Variants in SGIP1 observed in about 807,000 individuals in gnomAD.
SGIP1 encodes the protein SH3GL interacting endocytic adaptor 1.
A neutral mutation model predicts 107.5 loss-of-function variants in SGIP1; 38 were observed. The ratio of observed to expected loss-of-function variants is 0.35; its 90% CI spans 0.27 to 0.46. The LOEUF is 0.46. Among genes scored for constraint, SGIP1 ranks in the 20% least tolerant of loss-of-function variants. The pLI is 1.00. For missense variants in SGIP1, 929 were observed against 1,019.5 expected (o/e 0.91, Z 1.21); for synonymous variants, 365 against 366.1 (o/e 1.00, Z 0.03).
intron 1 of SGIP1, among the ~76,000 whole-genome samples, chr1:66,604,267 G>A (rs755579512): frequency 7.2e-5 from 11 of 151,972 alleles, no homozygotes; most frequent in Admixed American, 4.6e-4. Flanking sequence ...TCTGAGTTTC[G>A]TCTCATAATG....
rs902234030 is a variant in SGIP1, at chr1:66,610,478, G to A, written c.11-15369G>A. 2.6e-5 allele frequency among the ~76,000 whole-genome samples: 4 copies of A among 152,124 alleles called. No homozygotes were observed. In the South Asian group the frequency reaches 6.2e-4, roughly 24 times the overall value. ...GGAGTTCAGTTTTGCTCATCTTACC[G>A]AACCAGACATTGATCTCTTACCTGA... On this transcript the variant is annotated intron_variant, in intron 1 of 24. Coordinates refer to ENST00000371037, the MANE Select transcript of SGIP1 (RefSeq NM_032291.4).
In SGIP1 at chr1:66,577,756, C is replaced by CTGTGTGTGTG. The variant is rs6143251; in HGVS notation, c.10+43424_10+43433dup. Reference sequence around the variant, plus strand: ...TTAGAAGAGTGATACTAATGCAGTCCTGTGTGTGTGTGTGTGTGTGTGTGT... The same window carrying CTGTGTGTGTG: ...TTAGAAGAGTGATACTAATGCAGTCCTGTGTGTGTGTGTGTGTGTGTGTGTGTGTGTGTGT... On this transcript the variant is annotated intron_variant, in intron 1 of 24. Coordinates refer to ENST00000371037, the MANE Select transcript of SGIP1 (RefSeq NM_032291.4). Among the ~76,000 whole-genome samples the CTGTGTGTGTG allele has an allele frequency of 4.3e-3, 624 of 145,058 alleles. 1 individual carries two copies. Among genetic ancestry groups the CTGTGTGTGTG allele is most frequent in the Non-Finnish European group, 5.6e-3 (370 of 65,622 alleles).
At chr1:66,728,985 G>GA (rs536974574) in intron 19 of SGIP1, among the ~76,000 whole-genome samples, 55 of 146,668 alleles carry the variant, frequency 3.7e-4, no homozygotes, top group Middle Eastern at 3.4e-3. Context: ...GAAAAGTTCA[G>GA]AAAAAAAAAA....
chr1:66,600,795 G>A (rs950775452), intron 1 of SGIP1, among the ~76,000 whole-genome samples: 6 of 152,148 alleles, frequency 3.9e-5, no homozygotes, highest in African/African-American at 1.4e-4. Context: ...TTAGGCAGGG[G>A]CATGACATGA....
rs1419139549 is a variant in SGIP1, at chr1:66,536,762, G to C, written c.10+2394G>C. ...TTAAAATCATATTTCTTCTGAACTA[G>C]TGTGTCTCACACACACACAGAGTCA... On this transcript the variant is annotated intron_variant, in intron 1 of 24. Coordinates refer to ENST00000371037, the MANE Select transcript of SGIP1 (RefSeq NM_032291.4). Among the ~76,000 whole-genome samples, 5 of 147,700 alleles carry C rather than the reference G, an allele frequency of 3.4e-5. No homozygotes were observed. The Admixed American group carries it at 3.4e-4, about 10-fold the overall frequency.
intron 1 of SGIP1, among the ~76,000 whole-genome samples, chr1:66,581,358 C>T (rs78485205): frequency 0.012 from 1,864 of 151,926 alleles, 44 homozygotes; most frequent in African/African-American, 0.043. Flanking sequence ...TAATAATATC[C>T]CTAGCTCATG....
chr1:66,603,771 T>C (rs2066307757), intron 1 of SGIP1, among the ~76,000 whole-genome samples: 1 of 152,350 alleles, frequency 6.6e-6, no homozygotes, highest in South Asian at 2.1e-4. Flanking sequence ...TTGATAGATC[T>C]ATGTCTAAAC....
intron 18 of SGIP1, among the ~76,000 whole-genome samples, chr1:66,695,747 A>G (rs2090780258): frequency 6.6e-6 from 1 of 152,236 alleles, no homozygotes; most frequent in African/African-American, 2.4e-5. Context: ...TTAATTAACT[A>G]TGGTCAATTG....
At chr1:66,608,474 A>G (rs2067282670) in intron 1 of SGIP1, among the ~76,000 whole-genome samples, 1 of 152,212 alleles carries the variant, frequency 6.6e-6, no homozygotes, top group Admixed American at 6.5e-5. Context: ...TTTTGTAACT[A>G]TTTTAAACCA....
chr1:66,601,706 G>A (rs527311585), intron 1 of SGIP1, among the ~76,000 whole-genome samples: 1 of 152,158 alleles, frequency 6.6e-6, no homozygotes, highest in African/African-American at 2.4e-5. Flanking sequence ...AATCAAAAGT[G>A]AAGTATTTTA....
chr1:66,677,230 A>G, intron 13 of SGIP1, 134 bp downstream of exon 13: 2 of 669,588 alleles, frequency 3.0e-6, no homozygotes, highest in Non-Finnish European at 5.0e-6. Flanking sequence ...AAGAGATGTT[A>G]TTCTAACAGG....
chr1:66,690,434 A>G, intron 17 of SGIP1, 118 bp downstream of exon 17: 2 of 1,401,746 alleles, frequency 1.4e-6, no homozygotes, highest in Non-Finnish European at 1.9e-6. Flanking sequence ...GTGTTTTGCT[A>G]CTATTACCTG....
At chr1:66,731,259 C>A (rs939350656) in intron 20 of SGIP1, among the ~76,000 whole-genome samples, 1 of 152,068 alleles carries the variant, frequency 6.6e-6, no homozygotes, top group Admixed American at 6.6e-5. Flanking sequence ...TGGTTGTGCA[C>A]GTTGAGCCAG....
chr1:66,741,335 T>C lies in SGIP1; in HGVS notation c.2363T>C (p.Val788Ala), dbSNP rs931632362. 3 of 1,610,402 alleles carry C rather than the reference T, an allele frequency of 1.9e-6. No individual in the cohort carries two copies. In the African/African-American group the frequency reaches 4.0e-5, roughly 22 times the overall value. The stretch of plus-strand genomic sequence containing the variant: ...GGCCCAAGCAAACCTTCTCCATTGG[T>C]TGTGCAGTTCACAAGTGAAGGAAGC... ...SEGPSKPSPL[V>A]VQFTSEGSTL... Residue 788 changes from valine (V) to alanine (A), a missense_variant, in exon 24 of 25, where the codon GTT (valine) becomes GCT (alanine). By Grantham distance (64) the Val-to-Ala change is moderately conservative (BLOSUM62 0). Transcript: ENST00000371037.
At chr1:66,650,615 C>A (rs1183488418) in intron 7 of SGIP1, among the ~76,000 whole-genome samples, 6 of 152,140 alleles carry the variant, frequency 3.9e-5, no homozygotes, top group African/African-American at 1.4e-4. Flanking sequence ...GTCTCAGATA[C>A]GGACATCTCC....
At chr1:66,725,560 A>G (rs1474095458) in intron 19 of SGIP1, among the ~76,000 whole-genome samples, 3 of 152,254 alleles carry the variant, frequency 2.0e-5, no homozygotes, top group African/African-American at 7.2e-5. Context: ...CTGTGTCCCA[A>G]AGAAGAATAA....
intron 20 of SGIP1, among the ~76,000 whole-genome samples, chr1:66,731,552 A>C (rs1363320460): frequency 6.6e-6 from 1 of 152,200 alleles, no homozygotes; most frequent in Non-Finnish European, 1.5e-5. Context: ...AAAGAAATAA[A>C]ATATATCCCA....
At chr1:66,606,777 T>G (rs1012940840) in intron 1 of SGIP1, among the ~76,000 whole-genome samples, 1 of 152,212 alleles carries the variant, frequency 6.6e-6, no homozygotes, top group African/African-American at 2.4e-5. Flanking sequence ...CTATATATAT[T>G]GAGTTCCTAC....
intron 7 of SGIP1, among the ~76,000 whole-genome samples, chr1:66,656,889 T>A (rs2079903292): frequency 6.6e-6 from 1 of 152,150 alleles, no homozygotes; most frequent in Non-Finnish European, 1.5e-5. Context: ...AGAATCAGAT[T>A]GGGCATAGTG....
Sources: allele counts gnomAD v4.1 joint callset (sites outside exome capture counted in the v4.1 genomes callset), GRCh38; gene constraint gnomAD v4.1.1; transcripts MANE v1.5; gene names NCBI Gene and HGNC (gene_info 2026-07-23, HGNC 2026-07-21).